Variants in RAD51B observed in about 807,000 individuals in gnomAD.
RAD51B encodes DNA repair protein RAD51 homolog 2.
A neutral mutation model predicts 42.2 loss-of-function variants in RAD51B; 38 were observed. The observed-to-expected ratio is 0.90, with a 90% confidence interval of 0.70 to 1.18. RAD51B has a LOEUF of 1.18. Ranked by LOEUF, RAD51B falls within the 50% of genes most tolerant of loss-of-function variation. RAD51B has a pLI of 0.00. For synonymous variants in RAD51B, 154 were observed against 145.2 expected (o/e 1.06, Z -0.43); for missense variants, 373 against 400.7 (o/e 0.93, Z 0.59).
At chr14:68,219,451 C>G (rs1420814733) in intron 7 of RAD51B, among the ~76,000 whole-genome samples, 1 of 152,156 alleles carries the variant, frequency 6.6e-6, no homozygotes, top group Non-Finnish European at 1.5e-5. Context: ...TCACTCCCTG[C>G]TACCTCCACT....
intron 7 of RAD51B, among the ~76,000 whole-genome samples, chr14:67,934,848 C>A (rs2140166091): frequency 6.6e-6 from 1 of 152,256 alleles, no homozygotes; most frequent in South Asian, 2.1e-4. Flanking sequence ...ATGGTAGGAT[C>A]AGATGAGAAA....
intron 7 of RAD51B, among the ~76,000 whole-genome samples, chr14:68,036,875 A>G (rs1476812085): frequency 6.6e-6 from 1 of 151,988 alleles, no homozygotes; most frequent in Non-Finnish European, 1.5e-5. Context: ...TATGACAAAT[A>G]TTTTTAAAAA....
chr14:68,378,976 T>C (rs2083426274), intron 8 of RAD51B, among the ~76,000 whole-genome samples: 1 of 152,250 alleles, frequency 6.6e-6, no homozygotes, highest in Non-Finnish European at 1.5e-5. Context: ...TTCAGTCTAC[T>C]TGTTCTCCCA....
At chr14:68,212,271 A>T (rs901499013) in intron 7 of RAD51B, among the ~76,000 whole-genome samples, 2 of 152,216 alleles carry the variant, frequency 1.3e-5, no homozygotes, top group African/African-American at 2.4e-5. Context: ...CTGGGTTTGA[A>T]TACTAGGTCA....
chr14:68,016,756 A>G (rs937343094), intron 7 of RAD51B, among the ~76,000 whole-genome samples: 7 of 152,198 alleles, frequency 4.6e-5, no homozygotes, highest in Non-Finnish European at 7.3e-5. Context: ...AAAAAGCACA[A>G]AGATGTTTAT....
chr14:67,948,759 G>C (rs2074382574), intron 7 of RAD51B, among the ~76,000 whole-genome samples: 1 of 151,260 alleles, frequency 6.6e-6, no homozygotes, highest in African/African-American at 2.4e-5. Context: ...GTGAAACCCC[G>C]TTTCTACTAA....
At chr14:68,427,961 A>T (rs1034195581) in intron 9 of RAD51B, among the ~76,000 whole-genome samples, 2 of 152,212 alleles carry the variant, frequency 1.3e-5, no homozygotes, top group East Asian at 3.8e-4. Context: ...TCATGAATGG[A>T]TTAATGCTGT....
chr14:67,975,867 G>A (rs969297558), intron 7 of RAD51B, among the ~76,000 whole-genome samples: 5 of 152,028 alleles, frequency 3.3e-5, no homozygotes, highest in African/African-American at 4.8e-5. Context: ...GCAGCTTTAG[G>A]GTAAACTTGA....
At chr14:68,450,939 G>T (rs1310782850) in intron 9 of RAD51B, among the ~76,000 whole-genome samples, 3 of 152,104 alleles carry the variant, frequency 2.0e-5, no homozygotes, top group Non-Finnish European at 4.4e-5. Context: ...GGGGCTCAGT[G>T]CCAGGCCATG....
chr14:67,929,384 G>A (rs1036555527), intron 7 of RAD51B, among the ~76,000 whole-genome samples: 1 of 152,030 alleles, frequency 6.6e-6, no homozygotes. Flanking sequence ...TAATTTCCAT[G>A]TATTTGTATA....
intron 8 of RAD51B, among the ~76,000 whole-genome samples, chr14:68,384,619 C>A (rs2083552774): frequency 6.6e-6 from 1 of 152,180 alleles, no homozygotes; most frequent in Non-Finnish European, 1.5e-5. Context: ...AACTGTTGCA[C>A]AATCCTGAAG....
chr14:68,032,792 C>A (rs1427291116), intron 7 of RAD51B, among the ~76,000 whole-genome samples: 3 of 152,142 alleles, frequency 2.0e-5, no homozygotes, highest in African/African-American at 7.2e-5. Flanking sequence ...TAGGGCAGAG[C>A]TCTTCTTGAT....
intron 8 of RAD51B, among the ~76,000 whole-genome samples, chr14:68,364,419 A>G (rs2083097836): frequency 6.6e-6 from 1 of 152,178 alleles, no homozygotes; most frequent in Non-Finnish European, 1.5e-5. Context: ...ATCCCGTTAC[A>G]GGCTGGAGGG....
intron 7 of RAD51B, among the ~76,000 whole-genome samples, chr14:67,954,847 G>A (rs1595161527): frequency 6.6e-6 from 1 of 152,184 alleles, no homozygotes; most frequent in East Asian, 1.9e-4. Flanking sequence ...GGGAGTAGGG[G>A]GTTAACTGTT....
At chr14:68,017,436 C>G (rs978912753) in intron 7 of RAD51B, among the ~76,000 whole-genome samples, 1 of 151,984 alleles carries the variant, frequency 6.6e-6, no homozygotes, top group East Asian at 1.9e-4. Context: ...GCTCAGGCAG[C>G]CTGCCCACCT....
At chr14:68,007,639 T>A (rs544796246) in intron 7 of RAD51B, among the ~76,000 whole-genome samples, 38 of 152,244 alleles carry the variant, frequency 2.5e-4, no homozygotes, top group South Asian at 1.9e-3. Context: ...ATGTGCTGAT[T>A]GGATATTTAC....
chr14:68,289,548 C>G (rs1002713930), intron 7 of RAD51B, among the ~76,000 whole-genome samples: 3 of 151,754 alleles, frequency 2.0e-5, no homozygotes, highest in African/African-American at 7.3e-5. Flanking sequence ...AACCCCATCT[C>G]TACTAAAAAT....
At chr14:68,153,066 T>C (rs1326312744) in intron 7 of RAD51B, among the ~76,000 whole-genome samples, 1 of 152,210 alleles carries the variant, frequency 6.6e-6, no homozygotes, top group Non-Finnish European at 1.5e-5. Context: ...TGAACATACA[T>C]GTGCTATGTC....
chr14:67,930,675 C>A (rs1414767224), intron 7 of RAD51B, among the ~76,000 whole-genome samples: 1 of 152,104 alleles, frequency 6.6e-6, no homozygotes, highest in African/African-American at 2.4e-5. Context: ...ATGGAGAAGA[C>A]CTTTCGCATT....
Sources: gnomAD v4.1 joint callset for allele counts (sites outside exome capture counted in the v4.1 genomes callset) on GRCh38, gnomAD v4.1.1 for gene constraint, MANE v1.5 for transcripts, NCBI Gene and HGNC (gene_info 2026-07-23, HGNC 2026-07-21) for gene names.